The following TBPL2 variants were observed in gnomAD, a reference collection of about 807,000 sequenced individuals.
TBPL2 encodes the protein TATA-box binding protein like 2.
TBPL2 carries 40 observed loss-of-function variants against 38.2 expected under a neutral mutation model. The observed-to-expected ratio is 1.05, with a 90% confidence interval of 0.81 to 1.36. TBPL2 has a LOEUF of 1.36. Among genes scored for constraint, TBPL2 ranks in the 40% most tolerant of loss-of-function variants. The pLI, the probability that TBPL2 is intolerant of heterozygous loss-of-function variation, is 0.00. For missense variants in TBPL2, 461 were observed against 456.7 expected (o/e 1.01, Z -0.09); for synonymous variants, 169 against 171.7 (o/e 0.98, Z 0.12).
chr14:55,414,287 T>G (rs1885636026), exon 7 of TBPL2: 3 of 968,776 alleles, frequency 3.1e-6, no homozygotes, highest in Non-Finnish European at 4.7e-6. Context: ...ACTTGTAACA[T>G]CTACAATTAA....
chr14:55,418,825 C>A (rs1885704173), intron 6 of TBPL2, among the ~76,000 whole-genome samples: 1 of 152,150 alleles, frequency 6.6e-6, no homozygotes, highest in Non-Finnish European at 1.5e-5. Context: ...AGAGAAAAAA[C>A]CAGGAGAGTG....
exon 7 of TBPL2, chr14:55,414,347 A>G: frequency 6.6e-7 from 1 of 1,520,550 alleles, no homozygotes; most frequent in Non-Finnish European, 9.0e-7. Context: ...ACATATTCAA[A>G]CCAGAATAAT....
chr14:55,417,769 C>A (rs1007847683), intron 6 of TBPL2, among the ~76,000 whole-genome samples: 3 of 152,164 alleles, frequency 2.0e-5, no homozygotes, highest in African/African-American at 4.8e-5. Context: ...CTTACCATTC[C>A]TTTTCTTCAG....
intron 6 of TBPL2, among the ~76,000 whole-genome samples, chr14:55,421,422 A>G (rs1885742701): frequency 6.6e-6 from 1 of 152,188 alleles, no homozygotes; most frequent in African/African-American, 2.4e-5. Context: ...GTTTTGCTGC[A>G]TTCAAAACGT....
At chr14:55,418,546 G>A (rs1885700509) in intron 6 of TBPL2, among the ~76,000 whole-genome samples, 1 of 152,152 alleles carries the variant, frequency 6.6e-6, no homozygotes, top group African/African-American at 2.4e-5. Context: ...GGGGGTTACT[G>A]TTAACAATTG....
At chr14:55,440,616 T>C (rs1330781326) in exon 1 of TBPL2, 365 of 1,471,142 alleles carry the variant, frequency 2.5e-4, no homozygotes, top group Non-Finnish European at 3.3e-5. Flanking sequence ...GAGAGAAGCG[T>C]TGGGCGATGG....
intron 6 of TBPL2, among the ~76,000 whole-genome samples, chr14:55,415,147 T>G (rs1336598701): frequency 1.3e-5 from 2 of 152,200 alleles, no homozygotes; most frequent in Non-Finnish European, 2.9e-5. Flanking sequence ...TGCAGGCACG[T>G]TGTGCTAAGG....
chr14:55,427,167 T>C (rs528361949), intron 5 of TBPL2, among the ~76,000 whole-genome samples: 5 of 152,188 alleles, frequency 3.3e-5, no homozygotes, highest in African/African-American at 1.2e-4. Context: ...ATGCCAAGAT[T>C]GAAGGAAGAA....
intron 1 of TBPL2, among the ~76,000 whole-genome samples, chr14:55,439,408 C>T (rs965631658): frequency 2.6e-5 from 4 of 152,074 alleles, no homozygotes; most frequent in Non-Finnish European, 1.5e-5. Context: ...GGGACAGGGG[C>T]TCTCTGTTTC....
chr14:55,429,069 A>T, intron 4 of TBPL2, 95 bp from the exon 5 acceptor site: 1 of 1,446,570 alleles, frequency 6.9e-7, no homozygotes, highest in Non-Finnish European at 9.4e-7. Flanking sequence ...TACCACGTTT[A>T]TCTTTCAATG....
chr14:55,436,850 T>G (rs1594794791), exon 2 of TBPL2: 1 of 1,614,226 alleles, frequency 6.2e-7, no homozygotes, highest in Non-Finnish European at 8.5e-7. Context: ...TTTTCCTGGG[T>G]AACTTCATCT....
Position 55,433,725 on chromosome 14 carries a change from T to C in TBPL2, c.697-4A>G, listed in dbSNP as rs1885971494. 2 of 1,613,456 alleles carry C rather than the reference T, an allele frequency of 1.2e-6. No homozygotes were observed. The highest frequency in any genetic ancestry group is 1.3e-5 in the African/African-American group (1 of 75,000). ...TCATTATGACAGCAGCAAACCTCTA[T>C]ACCCAGAAACCAAAAGAGAATTAGC... On this transcript the variant is annotated splice_region_variant and splice_polypyrimidine_tract_variant and intron_variant, in intron 3 of 6. Transcript: ENST00000247219.
chr14:55,424,867 C>A (rs1307101540), intron 5 of TBPL2, among the ~76,000 whole-genome samples: 2 of 152,138 alleles, frequency 1.3e-5, no homozygotes, highest in African/African-American at 2.4e-5. Flanking sequence ...CACTTAAGAG[C>A]TTCTTCTCCA....
intron 4 of TBPL2, among the ~76,000 whole-genome samples, chr14:55,430,398 TAA>T (rs370880582): frequency 0.19 from 23,276 of 119,476 alleles, 2,370 homozygotes; most frequent in East Asian, 0.43. Context: ...TCACCCACTT[TAA>T]AAAAAAAAAA....
At chr14:55,438,710 T>C (rs1886055657) in intron 1 of TBPL2, 1 of 152,204 alleles carries the variant, frequency 6.6e-6, no homozygotes, top group African/African-American at 2.4e-5. Flanking sequence ...GTAGTGACTC[T>C]CCTCAGAACA....
In TBPL2 at chr14:55,435,861, C is replaced by A; in HGVS notation, c.682G>T (p.Glu228Ter). ...AGAAATGTTACCTTTGGGTTATATT[C>A]TGCATTTTTTGCATGCAAAGCTATT... The change falls in exon 3 of 7, where the codon GAA becomes TAA. Residue 228 changes from glutamate (E) to a stop codon, truncating the protein, a stop_gained. Transcript: ENST00000247219. LOFTEE classifies it high-confidence loss of function. The A allele has an allele frequency of 1.9e-6, 3 of 1,567,904 alleles. No homozygotes were observed. The highest frequency in any genetic ancestry group is 2.6e-6 in the Non-Finnish European group (3 of 1,165,702).
At chr14:55,417,453 T>TAAA (rs539769285) in intron 6 of TBPL2, among the ~76,000 whole-genome samples, 3 of 91,344 alleles carry the variant, frequency 3.3e-5, no homozygotes, top group African/African-American at 9.5e-5. Context: ...ACCCTTGCCT[T>TAAA]AAAAAAAAAA....
At chr14:55,432,124 T>C (rs965353448) in intron 4 of TBPL2, among the ~76,000 whole-genome samples, 6 of 151,702 alleles carry the variant, frequency 4.0e-5, no homozygotes, top group African/African-American at 9.7e-5. Flanking sequence ...AAACCCACCA[T>C]AGGCCAGATG....
intron 5 of TBPL2, among the ~76,000 whole-genome samples, chr14:55,425,089 T>C (rs1486446810): frequency 2.0e-5 from 3 of 152,214 alleles, no homozygotes; most frequent in African/African-American, 7.2e-5. Context: ...CTCCATTCAG[T>C]TCAGCAATGA....
Sources: allele counts gnomAD v4.1 joint callset (sites outside exome capture counted in the v4.1 genomes callset), GRCh38; gene constraint gnomAD v4.1.1; transcripts MANE v1.5; gene names NCBI Gene and HGNC (gene_info 2026-07-23, HGNC 2026-07-21).